PPP2R2D: variants seen among roughly 807,000 people sequenced by gnomAD.
PPP2R2D encodes protein phosphatase 2 regulatory subunit Bdelta, also known as serine/threonine-protein phosphatase 2A 55 kDa regulatory subunit B delta isoform.
Under a neutral mutation model 31.1 loss-of-function variants are expected in PPP2R2D, and 9 were observed. The ratio of observed to expected loss-of-function variants is 0.29; its 90% CI spans 0.17 to 0.51. PPP2R2D has a LOEUF of 0.51. Among genes scored for constraint, PPP2R2D ranks in the 20% least tolerant of loss-of-function variants. The pLI is 0.98. For missense variants in PPP2R2D, 391 were observed against 465.6 expected (o/e 0.84, Z 1.48); for synonymous variants, 179 against 172.6 (o/e 1.04, Z -0.29).
At chr10:131,955,238 G>A (rs372167755) in intron 8 of PPP2R2D, among the ~76,000 whole-genome samples, 1 of 152,132 alleles carries the variant, frequency 6.6e-6, no homozygotes, top group African/African-American at 2.4e-5. Context: ...GAAACTTTTT[G>A]AAATTAATAG....
chr10:131,947,849 A>C lies in PPP2R2D; in HGVS notation c.1082+58A>C. The C allele has an allele frequency of 1.3e-6, 2 of 1,586,072 alleles. No individual in the cohort carries two copies. The highest frequency in any genetic ancestry group is 1.3e-5 in the African/African-American group (1 of 74,546). ...AAGCTTGCTGGTTTCCGAGAGTGCAAGGTCAGTGAGGGAGGCGAGCTGTCC... is the reference window on the plus strand; with the variant it reads ...AAGCTTGCTGGTTTCCGAGAGTGCACGGTCAGTGAGGGAGGCGAGCTGTCC... On this transcript the variant is annotated intron_variant, in intron 8 of 8. Coordinates refer to ENST00000455566, the MANE Select transcript of PPP2R2D (RefSeq NM_018461.5). The surrounding 1 kb of genome is among the most constrained non-coding windows in gnomAD (Gnocchi z 4.3).
In PPP2R2D at chr10:131,915,238, G is replaced by T. The variant is rs548295441; in HGVS notation, c.100+13908G>T. ...CTCAGCTAGTAATAATGATTGAAAA[G>T]GGGGGATTCGTGCCTTACGTGTACC... On this transcript the variant is annotated intron_variant, in intron 2 of 8. Transcript: ENST00000455566. Among the ~76,000 whole-genome samples, 217 of 152,098 alleles carry T rather than the reference G, an allele frequency of 1.4e-3. 1 individual carries two copies. Among genetic ancestry groups the T allele is most frequent in the Middle Eastern group, 6.8e-3 (2 of 294 alleles).
chr10:131,910,747 A>G (rs1206900322), intron 2 of PPP2R2D, among the ~76,000 whole-genome samples: 1 of 152,194 alleles, frequency 6.6e-6, no homozygotes, highest in Non-Finnish European at 1.5e-5. Context: ...GGGTAGCTTC[A>G]GAACAGGGGC....
chr10:131,910,524 C>T (rs1207672903), intron 2 of PPP2R2D, among the ~76,000 whole-genome samples: 1 of 152,180 alleles, frequency 6.6e-6, no homozygotes, highest in African/African-American at 2.4e-5. Context: ...TGTTCATTTT[C>T]AAGTCAATTT....
the PPP2R2D span, chr10:131,968,047 TTTAAA>T: frequency 1.3e-5 from 2 of 153,434 alleles, no homozygotes; most frequent in African/African-American, 4.8e-5. Flanking sequence ...CCTGCATCCA[TTTAAA>T]TTAAATAATA....
intron 2 of PPP2R2D, among the ~76,000 whole-genome samples, chr10:131,910,381 A>C (rs2119736195): frequency 6.6e-6 from 1 of 152,360 alleles, no homozygotes; most frequent in African/African-American, 2.4e-5. Flanking sequence ...CATCAGAAGA[A>C]AAAGTGAGAA....
At chr10:131,910,563 A>C (rs1010222759) in intron 2 of PPP2R2D, among the ~76,000 whole-genome samples, 3 of 152,276 alleles carry the variant, frequency 2.0e-5, no homozygotes, top group Admixed American at 6.5e-5. Context: ...TTAATAACCA[A>C]AGTTGGTCAG....
intron 2 of PPP2R2D, among the ~76,000 whole-genome samples, chr10:131,910,696 T>A (rs984538031): frequency 7.2e-5 from 11 of 152,164 alleles, no homozygotes; most frequent in Non-Finnish European, 1.0e-4. Context: ...GGCTCGTCAG[T>A]GATGTCTTCG....
In PPP2R2D at chr10:131,906,648, C is replaced by T. The variant is rs921161966; in HGVS notation, c.100+5318C>T. On this transcript the variant is annotated intron_variant, in intron 2 of 8. Coordinates refer to ENST00000455566, the MANE Select transcript of PPP2R2D (RefSeq NM_018461.5). ...ATTGAATGTAAGATAATGTCTGGCT[C>T]GGTGGCTCACGCCTGTAGTCTCAGC... 2.6e-5 allele frequency among the ~76,000 whole-genome samples: 4 copies of T among 151,760 alleles called. No homozygotes were observed. In the East Asian group the frequency reaches 7.7e-4, roughly 29 times the overall value.
At chr10:131,951,336 TAGAG>T (rs1212490266) in intron 8 of PPP2R2D, among the ~76,000 whole-genome samples, 1 of 152,192 alleles carries the variant, frequency 6.6e-6, no homozygotes, top group Non-Finnish European at 1.5e-5. Flanking sequence ...GGTGCATCAT[TAGAG>T]GAATGGACAG....
intron 2 of PPP2R2D, among the ~76,000 whole-genome samples, chr10:131,907,991 C>G (rs955590452): frequency 6.6e-6 from 1 of 152,116 alleles, no homozygotes; most frequent in Non-Finnish European, 1.5e-5. Context: ...AGCTTCAGCT[C>G]GCTTATCTAG....
chr10:131,939,614 TGCTTCAGAAAATACG>T (rs2036404509), intron 3 of PPP2R2D, among the ~76,000 whole-genome samples: 1 of 149,886 alleles, frequency 6.7e-6, no homozygotes, highest in Non-Finnish European at 1.5e-5. Flanking sequence ...TTGGCAGACC[TGCTTCAGAAAATACG>T]GCAGGCTGCA....
Position 131,955,659 on chromosome 10 carries a change from T to C in PPP2R2D, c.1083-25T>C, listed in dbSNP as rs377714469. Reference sequence around the variant, plus strand: ...TGCCGCTCCCCCCACTGAGGAGTGCTGCTGTCTGCTCTTGTTTTGAACAGC... The same window carrying C: ...TGCCGCTCCCCCCACTGAGGAGTGCCGCTGTCTGCTCTTGTTTTGAACAGC... On this transcript the variant is annotated intron_variant, in intron 8 of 8. Transcript: ENST00000455566. The C allele has an allele frequency of 5.0e-6, 7 of 1,402,544 alleles. No individual in the cohort carries two copies. In the African/African-American group the frequency reaches 8.8e-5, roughly 18 times the overall value. The allele number at this position is 1,402,544 out of a possible 1,614,324, so 86.9% of individuals were successfully genotyped here. A position where few individuals can be genotyped will look rare whatever the true frequency, so the allele number is the denominator to read the frequency against.
the PPP2R2D span, chr10:131,970,953 A>G: frequency 6.2e-7 from 1 of 1,614,044 alleles, no homozygotes; most frequent in Non-Finnish European, 8.5e-7. The surrounding 1 kb of genome is among the most constrained non-coding windows in gnomAD (Gnocchi z 4.1). Context: ...TCCTTCTTTC[A>G]ATATCATCTT....
At chr10:131,946,370 C>G (rs1022413613) in intron 7 of PPP2R2D, among the ~76,000 whole-genome samples, 2 of 152,190 alleles carry the variant, frequency 1.3e-5, no homozygotes, top group Non-Finnish European at 2.9e-5. Flanking sequence ...GACACACGTC[C>G]AGTGACTTCC....
chr10:131,961,830 G>GT (rs2036924147), downstream of PPP2R2D, among the ~76,000 whole-genome samples: 2 of 140,582 alleles, frequency 1.4e-5, no homozygotes, highest in Admixed American at 1.4e-4. Flanking sequence ...TGTCCTCCAG[G>GT]GTTTTTTTTT....
chr10:131,924,307 A>T (rs1564815122), intron 2 of PPP2R2D, among the ~76,000 whole-genome samples: 1 of 152,082 alleles, frequency 6.6e-6, no homozygotes, highest in Non-Finnish European at 1.5e-5. Context: ...TTTATATATA[A>T]TTATATATAG....
the PPP2R2D span, among the ~76,000 whole-genome samples, chr10:131,965,426 C>T: frequency 6.6e-6 from 1 of 152,166 alleles, no homozygotes; most frequent in African/African-American, 2.4e-5. Context: ...CCCCATCACT[C>T]ATTAAGGGCT....
rs1283434032 is a variant in PPP2R2D at position 131,956,596 on chromosome 10, TA to T, written c.*634del. ...TTAATTTTATTGCATAGAATGAAGTTATGCAGGGTTCTTCTTTGGAACTAAC... is the reference window on the plus strand; with the variant it reads ...TTAATTTTATTGCATAGAATGAAGTTTGCAGGGTTCTTCTTTGGAACTAAC... On this transcript the variant is annotated 3_prime_UTR_variant, in exon 9 of 9. Transcript: ENST00000455566. 9 of 977,574 alleles carry T rather than the reference TA, an allele frequency of 9.2e-6. No homozygotes were observed. Among genetic ancestry groups the T allele is most frequent in the African/African-American group, 1.8e-5 (1 of 57,078 alleles). 60.6% of individuals were successfully genotyped at this position (977,574 alleles called of 1,614,324 possible).
Sources: allele counts gnomAD v4.1 joint callset (sites outside exome capture counted in the v4.1 genomes callset), GRCh38; gene constraint gnomAD v4.1.1; non-coding constraint Gnocchi (gnomAD v3.1); transcripts MANE v1.5; gene names NCBI Gene and HGNC (gene_info 2026-07-23, HGNC 2026-07-21).